Variants in HDAC9 observed in about 807,000 individuals in gnomAD.
HDAC9 encodes the protein histone deacetylase 9.
In HDAC9, 41 loss-of-function variants were observed where a neutral mutation model predicts 139.4. The observed-to-expected ratio is 0.29, with a 90% CI of 0.23 to 0.38. HDAC9 has a LOEUF of 0.38. Among genes scored for constraint, HDAC9 ranks in the 10% least tolerant of loss-of-function variants. The probability of loss-of-function intolerance (pLI) is 1.00; values close to 1 mark genes in which losing one functional copy is unlikely to be tolerated. For synonymous variants in HDAC9, 517 were observed against 476.2 expected (o/e 1.09, Z -1.12); for missense variants, 1,147 against 1,297.0 (o/e 0.88, Z 1.78).
intron 16 of HDAC9, among the ~76,000 whole-genome samples, chr7:18,787,559 T>C (rs1452379405): frequency 6.6e-6 from 1 of 152,212 alleles, no homozygotes; most frequent in Non-Finnish European, 1.5e-5. Flanking sequence ...AAAAGCATAC[T>C]GTTTTTAGAA....
chr7:18,809,635 CG>C (rs1375096280), intron 17 of HDAC9, among the ~76,000 whole-genome samples: 2 of 151,842 alleles, frequency 1.3e-5, no homozygotes, highest in African/African-American at 4.8e-5. Flanking sequence ...TACTCAACAT[CG>C]CTAATTATCA....
chr7:18,162,404 T>G (rs1384874155), intron 2 of HDAC9: 2 of 1,467,326 alleles, frequency 1.4e-6, no homozygotes, highest in Non-Finnish European at 1.8e-6. Context: ...AGATGTTGCT[T>G]TGTGTTGTTT....
chr7:18,510,794 C>G (rs976929967), intron 2 of HDAC9, among the ~76,000 whole-genome samples: 3 of 152,078 alleles, frequency 2.0e-5, no homozygotes, highest in Admixed American at 6.6e-5. Flanking sequence ...GAATCAATCT[C>G]TATGTACAAC....
chr7:18,771,634 G>A (rs953864768), intron 16 of HDAC9, among the ~76,000 whole-genome samples: 1 of 151,830 alleles, frequency 6.6e-6, no homozygotes, highest in South Asian at 2.1e-4. Context: ...CACCACATGT[G>A]TATCTTCATA....
At chr7:18,552,027 G>C (rs1411474770) in intron 2 of HDAC9, among the ~76,000 whole-genome samples, 1 of 152,144 alleles carries the variant, frequency 6.6e-6, no homozygotes, top group Non-Finnish European at 1.5e-5. Flanking sequence ...TTGTGGACTT[G>C]TGCATTTTTA....
At chr7:18,440,189 C>CTT (rs527897900) in intron 1 of HDAC9, among the ~76,000 whole-genome samples, 2 of 130,152 alleles carry the variant, frequency 1.5e-5, no homozygotes, top group African/African-American at 5.7e-5. Flanking sequence ...TTTTTTTTTT[C>CTT]TTTTTTTTTT....
intron 25 of HDAC9, among the ~76,000 whole-genome samples, chr7:18,983,402 C>T (rs572863750): frequency 1.1e-3 from 165 of 152,290 alleles, no homozygotes; most frequent in African/African-American, 3.5e-3. Flanking sequence ...ATGAATGCTG[C>T]TGTGAACATG....
chr7:18,463,733 T>C (rs1794040706), intron 1 of HDAC9, among the ~76,000 whole-genome samples: 2 of 152,068 alleles, frequency 1.3e-5, no homozygotes, highest in South Asian at 4.1e-4. Flanking sequence ...AAAACTGTAG[T>C]TTTTCCTCTC....
intron 1 of HDAC9, among the ~76,000 whole-genome samples, chr7:18,117,926 A>G (rs1304694293): frequency 6.6e-6 from 1 of 152,170 alleles, no homozygotes; most frequent in Non-Finnish European, 1.5e-5. Context: ...GTAGTTCCAC[A>G]TCTTTCCTCC....
intron 1 of HDAC9, among the ~76,000 whole-genome samples, chr7:18,418,220 T>G (rs1292487460): frequency 6.6e-6 from 1 of 152,192 alleles, no homozygotes; most frequent in African/African-American, 2.4e-5. Flanking sequence ...TACTACAAGT[T>G]GAAGGCAGAA....
At chr7:18,608,000 ATAAT>A (rs1835998385) in intron 6 of HDAC9, among the ~76,000 whole-genome samples, 1 of 152,168 alleles carries the variant, frequency 6.6e-6, no homozygotes, top group Non-Finnish European at 1.5e-5. Context: ...GCAAAAAATA[ATAAT>A]TAAGACTTTA....
At chr7:18,455,820 A>G (rs1460481591) in intron 1 of HDAC9, among the ~76,000 whole-genome samples, 3 of 152,206 alleles carry the variant, frequency 2.0e-5, no homozygotes, top group African/African-American at 4.8e-5. Context: ...TAGATTACTG[A>G]AAGCTATAAA....
chr7:18,916,022 G>GGAAAAAAAAAAAAAAAAAAAAAA (rs1491394538), intron 22 of HDAC9, among the ~76,000 whole-genome samples: 1 of 138,122 alleles, frequency 7.2e-6, no homozygotes, highest in Admixed American at 7.3e-5. Flanking sequence ...CCCCCCGCTG[G>GGAAAAAAAAAAAAAAAAAAAAAA]AAAAAAAAAA....
At chr7:18,649,034 G>A (rs1287579099) in intron 11 of HDAC9, among the ~76,000 whole-genome samples, 2 of 152,166 alleles carry the variant, frequency 1.3e-5, no homozygotes, top group African/African-American at 2.4e-5. Context: ...GTGTTGACAT[G>A]TCAAAAAGTT....
At chr7:18,127,327 A>G (rs1263727095) in intron 1 of HDAC9, 10 of 170,312 alleles carry the variant, frequency 5.9e-5, no homozygotes, top group Non-Finnish European at 8.8e-5. Flanking sequence ...TGAAATTTAT[A>G]TTTAAGTGGG....
intron 1 of HDAC9, among the ~76,000 whole-genome samples, chr7:18,297,235 A>T (rs570055932): frequency 6.6e-6 from 1 of 152,176 alleles, no homozygotes; most frequent in Admixed American, 6.5e-5. Flanking sequence ...GCTTATTTTT[A>T]TTTAAAAACT....
intron 2 of HDAC9, among the ~76,000 whole-genome samples, chr7:18,185,116 A>G (rs1231556798): frequency 6.6e-6 from 1 of 152,116 alleles, no homozygotes; most frequent in Admixed American, 6.5e-5. Flanking sequence ...TGGCTTTCAA[A>G]GCAAGTGATT....
chr7:18,742,818 C>G (rs934326335), intron 13 of HDAC9, among the ~76,000 whole-genome samples: 1 of 152,008 alleles, frequency 6.6e-6, no homozygotes, highest in Non-Finnish European at 1.5e-5. Context: ...TTTAATTTTG[C>G]TACTCTTTAA....
chr7:18,710,216 C>T (rs941158499), intron 12 of HDAC9, among the ~76,000 whole-genome samples: 2 of 152,104 alleles, frequency 1.3e-5, no homozygotes, highest in African/African-American at 4.8e-5. Flanking sequence ...TTAACTCTCC[C>T]CAAGTCCCAC....
Sources: gnomAD v4.1 joint callset for allele counts (sites outside exome capture counted in the v4.1 genomes callset) on GRCh38, gnomAD v4.1.1 for gene constraint, MANE v1.5 for transcripts, NCBI Gene and HGNC (gene_info 2026-07-23, HGNC 2026-07-21) for gene names.